PSMA1: variants seen among roughly 807,000 people sequenced by gnomAD.
The protein encoded by PSMA1 is proteasome 20S subunit alpha 1.
In PSMA1, 3 loss-of-function variants were observed where a neutral mutation model predicts 38.4. That is an observed-to-expected ratio of 0.08 (90% confidence interval 0.04 to 0.20). The LOEUF (loss-of-function observed/expected upper bound fraction) is 0.20, where lower values mean the gene tolerates loss of function less well. Among genes scored for constraint, PSMA1 ranks in the 10% least tolerant of loss-of-function variants. The pLI is 1.00. For synonymous variants in PSMA1, 101 were observed against 107.1 expected (o/e 0.94, Z 0.35); for missense variants, 227 against 325.3 (o/e 0.70, Z 2.32).
intron 2 of PSMA1, among the ~76,000 whole-genome samples, chr11:14,533,965 G>A (rs1248678223): frequency 6.6e-6 from 1 of 152,038 alleles, no homozygotes; most frequent in African/African-American, 2.4e-5. Context: ...TGGATCACCT[G>A]AGGTCAGGAG....
intron 1 of PSMA1, among the ~76,000 whole-genome samples, chr11:14,638,539 CTCTCTCTATATATATATATATATATATA>C (rs1383445706): frequency 9.4e-4 from 18 of 19,202 alleles, no homozygotes; most frequent in East Asian, 2.8e-3. Context: ...CTCTCTCTCT[CTCTCTCTATATATATATATATATATATA>C]TATATATATA....
chr11:14,552,979 C>T (rs1851903529), intron 2 of PSMA1, among the ~76,000 whole-genome samples: 2 of 151,802 alleles, frequency 1.3e-5, no homozygotes, highest in African/African-American at 2.4e-5. Context: ...GCATGCATCA[C>T]GACACCCAGC....
chr11:14,575,967 T>C (rs1267341506), intron 2 of PSMA1, among the ~76,000 whole-genome samples: 1 of 152,210 alleles, frequency 6.6e-6, no homozygotes, highest in Non-Finnish European at 1.5e-5. Context: ...TGGTGTGAGA[T>C]GGTATCTCAT....
At chr11:14,590,011 C>G (rs1852392088) in intron 2 of PSMA1, among the ~76,000 whole-genome samples, 1 of 152,170 alleles carries the variant, frequency 6.6e-6, no homozygotes, top group African/African-American at 2.4e-5. Context: ...TATTATCCAG[C>G]TTTAAAAGGG....
chr11:14,513,952 C>A, intron 5 of PSMA1, 65 bp from the exon 6 acceptor site: 1 of 1,481,320 alleles, frequency 6.8e-7, no homozygotes, highest in South Asian at 1.4e-5. Context: ...TCAAATTATA[C>A]ATTATTAACA....
At chr11:14,608,350 A>G (rs564341444) in intron 2 of PSMA1, among the ~76,000 whole-genome samples, 2 of 151,708 alleles carry the variant, frequency 1.3e-5, no homozygotes, top group African/African-American at 4.8e-5. Context: ...CCCTGTCTCT[A>G]TTATATATAT....
At chr11:14,556,640 C>T (rs1851943311) in intron 2 of PSMA1, among the ~76,000 whole-genome samples, 1 of 152,070 alleles carries the variant, frequency 6.6e-6, no homozygotes, top group Admixed American at 6.6e-5. Flanking sequence ...AATTCCCTCC[C>T]CTCCACTTTC....
At chr11:14,631,696 G>C (rs544703996) in intron 1 of PSMA1, among the ~76,000 whole-genome samples, 1 of 152,328 alleles carries the variant, frequency 6.6e-6, no homozygotes, top group South Asian at 2.1e-4. Context: ...TTGGTGCAGA[G>C]ATGAGTTCAA....
At position 14,514,441 on chromosome 11, in the gene PSMA1, G is replaced by A. The variant is rs1851394691; in HGVS notation, c.305C>T (p.Pro102Leu). The A allele has an allele frequency of 6.2e-7, 1 of 1,607,238 alleles. No homozygotes were observed. Among genetic ancestry groups the A allele is most frequent in the African/African-American group, 1.3e-5 (1 of 74,560 alleles). Reference sequence around the variant, plus strand: ...AGATACAAGACGAGACACAGGCAGTGGTCTATCGAATACAAATCTGGAATC... The same window carrying A: ...AGATACAAGACGAGACACAGGCAGTAGTCTATCGAATACAAATCTGGAATC... ...CLDSRFVFDR[P>L]LPVSRLVSLI... is the part of the protein sequence containing the mutation. Residue 102 changes from proline to leucine, a missense_variant, in exon 5 of 10, where the codon CCA becomes CTA. Coordinates refer to ENST00000396394, the MANE Select transcript of PSMA1 (RefSeq NM_002786.4).
intron 2 of PSMA1, among the ~76,000 whole-genome samples, chr11:14,550,603 A>G (rs1220691415): frequency 6.6e-6 from 1 of 152,164 alleles, no homozygotes; most frequent in Non-Finnish European, 1.5e-5. Flanking sequence ...AAACTAGAGA[A>G]GAAAAAAAAC....
chr11:14,627,647 G>T (rs1322000287), intron 1 of PSMA1, among the ~76,000 whole-genome samples: 3 of 152,080 alleles, frequency 2.0e-5, no homozygotes, highest in South Asian at 4.1e-4. Flanking sequence ...TAAAAATGAG[G>T]ATTATTATTT....
chr11:14,586,724 C>T (rs1277844854), intron 2 of PSMA1, among the ~76,000 whole-genome samples: 1 of 152,074 alleles, frequency 6.6e-6, no homozygotes, highest in African/African-American at 2.4e-5. Context: ...AAGAATCTCT[C>T]CCTTGCTACT....
At chr11:14,559,158 A>G (rs1851980825) in intron 2 of PSMA1, among the ~76,000 whole-genome samples, 1 of 152,234 alleles carries the variant, frequency 6.6e-6, no homozygotes, top group Admixed American at 6.5e-5. Context: ...AGAGAAGGAA[A>G]CAAAAAAGAA....
intron 1 of PSMA1, among the ~76,000 whole-genome samples, chr11:14,637,273 T>C (rs1298045916): frequency 1.3e-5 from 2 of 152,208 alleles, no homozygotes; most frequent in African/African-American, 4.8e-5. Flanking sequence ...TATGGAATAC[T>C]CTCCCTCCTC....
chr11:14,593,436 T>C (rs182004574), intron 2 of PSMA1, among the ~76,000 whole-genome samples: 1 of 152,306 alleles, frequency 6.6e-6, no homozygotes, highest in African/African-American at 2.4e-5. Flanking sequence ...TCTAGCCCTT[T>C]TGACTTGGAA....
intron 2 of PSMA1, among the ~76,000 whole-genome samples, chr11:14,595,485 G>T (rs1329179311): frequency 6.6e-6 from 1 of 152,176 alleles, no homozygotes; most frequent in African/African-American, 2.4e-5. Context: ...GTTTTGATTT[G>T]CATTTCTCTG....
At chr11:14,552,607 T>A (rs1240341515) in intron 2 of PSMA1, among the ~76,000 whole-genome samples, 1 of 152,158 alleles carries the variant, frequency 6.6e-6, no homozygotes, top group Non-Finnish European at 1.5e-5. Flanking sequence ...GAAAATATGC[T>A]ACTTGCCTTC....
chr11:14,559,125 G>A (rs1293007168), intron 2 of PSMA1, among the ~76,000 whole-genome samples: 3 of 152,174 alleles, frequency 2.0e-5, no homozygotes, highest in African/African-American at 4.8e-5. Flanking sequence ...GAGTTAGTGA[G>A]CAAGAAATTT....
At chr11:14,518,855 A>G in intron 2 of PSMA1, 142 bp downstream of exon 2, 1 of 674,212 alleles carries the variant, frequency 1.5e-6, no homozygotes, top group South Asian at 2.1e-5. Flanking sequence ...CAGGAAACCT[A>G]TTTTAATTAT....
Sources: gnomAD v4.1 joint callset for allele counts (sites outside exome capture counted in the v4.1 genomes callset) on GRCh38, gnomAD v4.1.1 for gene constraint, MANE v1.5 for transcripts, NCBI Gene and HGNC (gene_info 2026-07-23, HGNC 2026-07-21) for gene names.